RIMS1: variants seen among roughly 807,000 people sequenced by gnomAD.
The protein encoded by RIMS1 is regulating synaptic membrane exocytosis protein 1.
A neutral mutation model predicts 214.1 loss-of-function variants in RIMS1; 83 were observed. The ratio of observed to expected loss-of-function variants is 0.39; its 90% confidence interval spans 0.32 to 0.47. The LOEUF is 0.47. RIMS1 is among the 20% of genes least tolerant of loss of function. RIMS1 has a pLI of 0.99. For missense variants in RIMS1, 2,050 were observed against 2,161.8 expected, an observed-to-expected ratio of 0.95 and a Z score of 1.03; for synonymous variants, 793 against 786.8, an observed-to-expected ratio of 1.01 and a Z score of -0.13.
intron 29 of RIMS1, among the ~76,000 whole-genome samples, chr6:72,376,248 G>GT (rs2098375513): frequency 6.6e-6 from 1 of 152,136 alleles, no homozygotes. Context: ...TCTGTGAAGT[G>GT]TAAGTTTTGC....
intron 2 of RIMS1, among the ~76,000 whole-genome samples, chr6:72,058,060 A>AGTACTTACTTGATTCACCT (rs1279333523): frequency 6.6e-6 from 1 of 152,224 alleles, no homozygotes; most frequent in African/African-American, 2.4e-5. Flanking sequence ...GAATTTATAA[A>AGTACTTACTTGATTCACCT]GTACTTACTT....
intron 2 of RIMS1, among the ~76,000 whole-genome samples, chr6:72,061,896 A>G (rs1586020333): frequency 6.6e-6 from 1 of 152,248 alleles, no homozygotes; most frequent in African/African-American, 2.4e-5. Flanking sequence ...TTGCATTCTC[A>G]TAAATATATT....
At chr6:72,117,734 G>A (rs2037366452) in intron 4 of RIMS1, among the ~76,000 whole-genome samples, 1 of 151,810 alleles carries the variant, frequency 6.6e-6, no homozygotes, top group Non-Finnish European at 1.5e-5. Context: ...ATGAATGGTA[G>A]TAGTAACACA....
intron 28 of RIMS1, among the ~76,000 whole-genome samples, chr6:72,325,963 C>G (rs951515559): frequency 6.6e-6 from 1 of 151,790 alleles, no homozygotes; most frequent in African/African-American, 2.4e-5. Context: ...GAGATGGCTT[C>G]TTAATATTGA....
intron 1 of RIMS1, 24 bp from the exon 2 acceptor site, chr6:71,968,959 T>C: frequency 6.2e-7 from 1 of 1,602,800 alleles, no homozygotes. Flanking sequence ...AATAGTGCGT[T>C]GTGCTGTCTA....
At chr6:71,973,132 A>T (rs893199278) in intron 2 of RIMS1, among the ~76,000 whole-genome samples, 6 of 151,714 alleles carry the variant, frequency 4.0e-5, no homozygotes, top group East Asian at 3.9e-4. Context: ...CTGGTCTTGA[A>T]CTCCTGACTT....
At chr6:72,316,775 A>G (rs2807503) in intron 28 of RIMS1, 352,407 of 698,040 alleles carry the variant, frequency 0.5, 94,595 homozygotes, top group African/African-American at 0.77. Flanking sequence ...AGGCAGGGCC[A>G]GTTGACGGTA....
At chr6:72,143,167 A>G (rs2042282281) in intron 4 of RIMS1, among the ~76,000 whole-genome samples, 1 of 152,196 alleles carries the variant, frequency 6.6e-6, no homozygotes, top group Non-Finnish European at 1.5e-5. Context: ...GCTAGTGATA[A>G]AATTCTCTTA....
At chr6:72,335,245 A>G (rs1010145788) in intron 29 of RIMS1, among the ~76,000 whole-genome samples, 1 of 151,888 alleles carries the variant, frequency 6.6e-6, no homozygotes, top group Non-Finnish European at 1.5e-5. Flanking sequence ...CCACCTGCTG[A>G]CAGGCCCCGG....
chr6:71,988,765 T>C (rs919480244), intron 2 of RIMS1, among the ~76,000 whole-genome samples: 12 of 152,150 alleles, frequency 7.9e-5, no homozygotes, highest in African/African-American at 2.9e-4. Context: ...TAATACAGAG[T>C]AACTGTTATT....
chr6:72,186,034 T>C (rs2049048263), intron 6 of RIMS1, among the ~76,000 whole-genome samples: 1 of 152,244 alleles, frequency 6.6e-6, no homozygotes, highest in African/African-American at 2.4e-5. Context: ...ATTGTGAGAA[T>C]AGAGTATATG....
intron 2 of RIMS1, among the ~76,000 whole-genome samples, chr6:72,057,483 G>A (rs749752491): frequency 5.5e-4 from 81 of 148,496 alleles, no homozygotes; most frequent in Non-Finnish European, 1.1e-3. Context: ...GTCCAAATCA[G>A]TACACCTTCT....
At chr6:72,071,182 G>A (rs1328808609) in intron 2 of RIMS1, among the ~76,000 whole-genome samples, 1 of 152,036 alleles carries the variant, frequency 6.6e-6, no homozygotes, top group Admixed American at 6.6e-5. Context: ...AATCACGTGA[G>A]GCCAGAAGTT....
Position 72,166,357 on chromosome 6 carries a change from C to T in RIMS1, c.472-13218C>T, listed in dbSNP as rs560864246. Among the ~76,000 whole-genome samples, 5 of 150,680 alleles carry T rather than the reference C, an allele frequency of 3.3e-5. No individual in the cohort carries two copies. In the South Asian group the frequency reaches 6.3e-4, roughly 19 times the overall value. On this transcript the variant is annotated intron_variant, in intron 4 of 33. Transcript: ENST00000521978. Reference sequence around the variant, plus strand: ...TTGAGCTAGGCCTACACCTGTATGACCTGATTTTATTTAAACTTGATTACC... The same window carrying T: ...TTGAGCTAGGCCTACACCTGTATGATCTGATTTTATTTAAACTTGATTACC...
intron 2 of RIMS1, among the ~76,000 whole-genome samples, chr6:72,026,258 A>G (rs1453598409): frequency 2.0e-5 from 3 of 152,180 alleles, no homozygotes; most frequent in Non-Finnish European, 2.9e-5. Context: ...AAGAGCACAG[A>G]TGTTGAATCT....
At chr6:71,895,835 T>G (rs1055182170) in intron 1 of RIMS1, among the ~76,000 whole-genome samples, 1 of 152,148 alleles carries the variant, frequency 6.6e-6, no homozygotes, top group African/African-American at 2.4e-5. Context: ...ATGTATTGGG[T>G]TTCTTTAACT....
intron 5 of RIMS1, among the ~76,000 whole-genome samples, chr6:72,181,157 A>G (rs2048348650): frequency 6.6e-6 from 1 of 152,214 alleles, no homozygotes; most frequent in Non-Finnish European, 1.5e-5. Flanking sequence ...ATTAACAAGG[A>G]TGCTAATTTG....
At chr6:72,008,448 G>A (rs905449675) in intron 2 of RIMS1, among the ~76,000 whole-genome samples, 13 of 152,156 alleles carry the variant, frequency 8.5e-5, no homozygotes, top group Admixed American at 6.6e-5. Context: ...ACATCATAAT[G>A]ACAGGATCAA....
At chr6:72,328,262 C>A in intron 28 of RIMS1, among the ~76,000 whole-genome samples, 1 of 151,646 alleles carries the variant, frequency 6.6e-6, no homozygotes. Flanking sequence ...AATGACAACA[C>A]AGGGAGGGGA....
Sources: gnomAD v4.1 joint callset for allele counts (sites outside exome capture counted in the v4.1 genomes callset) on GRCh38, gnomAD v4.1.1 for gene constraint, MANE v1.5 for transcripts, NCBI Gene and HGNC (gene_info 2026-07-23, HGNC 2026-07-21) for gene names.